Variants in RANBP17 observed in about 807,000 individuals in gnomAD.
RANBP17 encodes RAN binding protein 17, also known as ran-binding protein 17.
RANBP17 carries 158 observed loss-of-function variants against 141.2 expected under a neutral mutation model. The observed-to-expected ratio is 1.12, with a 90% confidence interval of 0.98 to 1.28. RANBP17 has a LOEUF of 1.28. Among genes scored for constraint, RANBP17 ranks in the 50% most tolerant of loss-of-function variants. The pLI is 0.00. For synonymous variants in RANBP17, 430 were observed against 450.0 expected, an observed-to-expected ratio of 0.96 and a Z score of 0.56; for missense variants, 1,438 against 1,290.7, an observed-to-expected ratio of 1.11 and a Z score of -1.75.
At chr5:170,997,599 CTTAG>C (rs1778904281) in intron 14 of RANBP17, among the ~76,000 whole-genome samples, 2 of 152,150 alleles carry the variant, frequency 1.3e-5, no homozygotes, top group Non-Finnish European at 2.9e-5. Flanking sequence ...GCCTATTTGG[CTTAG>C]TTAAATACTA....
intron 14 of RANBP17, among the ~76,000 whole-genome samples, chr5:171,100,106 A>G (rs1268944507): frequency 6.6e-6 from 1 of 152,158 alleles, no homozygotes; most frequent in Non-Finnish European, 1.5e-5. Context: ...TATCAGGATG[A>G]TGCTGGCCTC....
At chr5:171,059,365 T>C (rs1411325780) in intron 14 of RANBP17, among the ~76,000 whole-genome samples, 1 of 152,238 alleles carries the variant, frequency 6.6e-6, no homozygotes, top group Non-Finnish European at 1.5e-5. Context: ...GGGATCCAGT[T>C]TCAGCTTTCT....
rs73317543 is a variant in RANBP17 at position 170,963,825 on chromosome 5, A to G, written c.1575-4417A>G. On this transcript the variant is annotated intron_variant, in intron 13 of 27. Coordinates refer to ENST00000523189, the MANE Select transcript of RANBP17 (RefSeq NM_022897.5). Reference sequence around the variant, plus strand: ...TTTGGGGACCCTTGTCATAAAGTCAAGAGACAAATGAAACACAAAATTGTT... The same window carrying G: ...TTTGGGGACCCTTGTCATAAAGTCAGGAGACAAATGAAACACAAAATTGTT... Among the ~76,000 whole-genome samples, 1,053 of 152,370 alleles carry G rather than the reference A, an allele frequency of 6.9e-3. 14 individuals are homozygous for G. Among genetic ancestry groups the G allele is most frequent in the African/African-American group, 0.024 (1,003 of 41,586 alleles).
At chr5:170,928,672 C>T (rs930606378) in intron 12 of RANBP17, among the ~76,000 whole-genome samples, 1 of 152,002 alleles carries the variant, frequency 6.6e-6, no homozygotes, top group Non-Finnish European at 1.5e-5. Flanking sequence ...TGTTCTGTAC[C>T]ACTGATCTAT....
intron 14 of RANBP17, among the ~76,000 whole-genome samples, chr5:171,039,703 ATCCCGGAAAAATACAAAG>A (rs1348343446): frequency 6.6e-6 from 1 of 152,118 alleles, no homozygotes; most frequent in Non-Finnish European, 1.5e-5. Context: ...ATTACATCTG[ATCCCGGAAAAATACAAAG>A]GATTCTCAGA....
intron 13 of RANBP17, among the ~76,000 whole-genome samples, chr5:170,955,423 A>T (rs530275014): frequency 7.0e-6 from 1 of 143,850 alleles, no homozygotes; most frequent in Non-Finnish European, 1.5e-5. Flanking sequence ...TTTTGTGATG[A>T]TCTCTTCTAA....
At chr5:171,012,105 C>T (rs888390411) in intron 14 of RANBP17, among the ~76,000 whole-genome samples, 6 of 150,682 alleles carry the variant, frequency 4.0e-5, no homozygotes, top group Non-Finnish European at 7.4e-5. Flanking sequence ...ACAAATAATA[C>T]ATTTGTTTAA....
intron 16 of RANBP17, among the ~76,000 whole-genome samples, chr5:171,176,965 T>C (rs1006255865): frequency 6.6e-6 from 1 of 152,146 alleles, no homozygotes; most frequent in Non-Finnish European, 1.5e-5. Flanking sequence ...TTATGTCTGT[T>C]ACAGGAACTA....
chr5:171,185,733 C>T (rs1761190994), intron 18 of RANBP17, among the ~76,000 whole-genome samples: 1 of 152,206 alleles, frequency 6.6e-6, no homozygotes, highest in South Asian at 2.1e-4. Flanking sequence ...GTCTTGAACC[C>T]CTCAGAGTCG....
At position 171,299,254 on chromosome 5, in the gene RANBP17, A is replaced by G. The variant is rs755464567; in HGVS notation, c.*396A>G. On this transcript the variant is annotated 3_prime_UTR_variant, in exon 28 of 28. Transcript: ENST00000523189. ...ATGCAGCCTTCACCATGGATCCTGG[A>G]TTGAGACGAATGCCATTGGAACCTG... is the stretch of plus-strand genomic sequence containing the variant. The G allele has an allele frequency of 8.1e-6, 2 of 245,944 alleles. No homozygotes were observed. Among genetic ancestry groups the G allele is most frequent in the East Asian group, 1.2e-4 (2 of 16,848 alleles). The allele number at this position is 245,944 out of a possible 1,614,324, so 15.2% of individuals were successfully genotyped here.
chr5:171,083,810 G>T (rs967672364), intron 14 of RANBP17, among the ~76,000 whole-genome samples: 4 of 152,020 alleles, frequency 2.6e-5, no homozygotes, highest in Non-Finnish European at 1.5e-5. Flanking sequence ...ATTATAAGGG[G>T]GAGTTTCCTT....
At chr5:171,266,000 G>A (rs964623600) in intron 25 of RANBP17, among the ~76,000 whole-genome samples, 153 bp downstream of exon 25, 7 of 152,130 alleles carry the variant, frequency 4.6e-5, no homozygotes, top group South Asian at 2.1e-4. Context: ...TTCCCTGAAC[G>A]TGGAGGGAAA....
chr5:171,242,462 T>C (rs1764937629), intron 23 of RANBP17, among the ~76,000 whole-genome samples: 1 of 152,226 alleles, frequency 6.6e-6, no homozygotes, highest in South Asian at 2.1e-4. Context: ...GATTTTACTT[T>C]TAAGTGCTAA....
chr5:170,990,916 G>C (rs1037333944), intron 14 of RANBP17, among the ~76,000 whole-genome samples: 1 of 151,830 alleles, frequency 6.6e-6, no homozygotes, highest in Non-Finnish European at 1.5e-5. Context: ...AGGCATTGTC[G>C]GGGTGCATCA....
chr5:171,141,155 G>A (rs1757663689), intron 14 of RANBP17, among the ~76,000 whole-genome samples: 1 of 151,944 alleles, frequency 6.6e-6, no homozygotes, highest in African/African-American at 2.4e-5. Context: ...AAAAATAAAT[G>A]TGTCAGAGAG....
chr5:171,293,827 A>G, intron 25 of RANBP17, 56 bp from the exon 26 acceptor site: 2 of 1,302,776 alleles, frequency 1.5e-6, no homozygotes, highest in Admixed American at 3.4e-5. Context: ...AAGGCCTGGG[A>G]TTAGGGGGAA....
intron 12 of RANBP17, among the ~76,000 whole-genome samples, chr5:170,949,125 G>A (rs1308867287): frequency 2.6e-5 from 4 of 152,140 alleles, no homozygotes; most frequent in African/African-American, 4.8e-5. Flanking sequence ...CTGGGTGACC[G>A]AGTAAATCTT....
chr5:171,186,778 C>T (rs899581824), intron 18 of RANBP17, among the ~76,000 whole-genome samples: 3 of 151,650 alleles, frequency 2.0e-5, no homozygotes, highest in Non-Finnish European at 2.9e-5. Flanking sequence ...CCTCGTGATC[C>T]GCCCGCCTCG....
intron 24 of RANBP17, chr5:171,252,300 TAAC>T: frequency 1.3e-6 from 2 of 1,549,980 alleles, no homozygotes; most frequent in East Asian, 2.2e-5. Flanking sequence ...ATGAAAATAA[TAAC>T]AGCACCCCAG....
Sources: allele counts gnomAD v4.1 joint callset (sites outside exome capture counted in the v4.1 genomes callset), GRCh38; gene constraint gnomAD v4.1.1; transcripts MANE v1.5; gene names NCBI Gene and HGNC (gene_info 2026-07-23, HGNC 2026-07-21).